Variants in ADGRL3 observed in about 807,000 individuals in gnomAD.
ADGRL3 encodes the protein adhesion G protein-coupled receptor L3, also known as calcium-independent alpha-latrotoxin receptor 3.
Under a neutral mutation model 153.5 loss-of-function variants are expected in ADGRL3, and 62 were observed. The ratio of observed to expected loss-of-function variants is 0.40; its 90% confidence interval spans 0.33 to 0.50. The LOEUF (loss-of-function observed/expected upper bound fraction) is 0.50, where lower values mean the gene tolerates loss of function less well. Among genes scored for constraint, ADGRL3 ranks in the 20% least tolerant of loss-of-function variants. ADGRL3 has a pLI of 0.47. For synonymous variants in ADGRL3, 710 were observed against 672.5 expected, an observed-to-expected ratio of 1.06 and a Z score of -0.86; for missense variants, 1,641 against 1,859.4, an observed-to-expected ratio of 0.88 and a Z score of 2.16.
intron 1 of ADGRL3, among the ~76,000 whole-genome samples, chr4:61,268,382 T>G: frequency 6.6e-6 from 1 of 151,784 alleles, no homozygotes; most frequent in African/African-American, 2.4e-5. Context: ...GCAAAATTTA[T>G]CTCAAGAGGA....
At chr4:61,362,396 A>G (rs1424806551) in intron 1 of ADGRL3, among the ~76,000 whole-genome samples, 1 of 151,684 alleles carries the variant, frequency 6.6e-6, no homozygotes, top group East Asian at 1.9e-4. Context: ...AGATGTTAGG[A>G]GCACCACCCC....
chr4:61,965,468 G>A (rs116429055), intron 17 of ADGRL3, among the ~76,000 whole-genome samples: 1,752 of 152,198 alleles, frequency 0.012, 40 homozygotes, highest in African/African-American at 0.04. Flanking sequence ...AAGCATTTGA[G>A]GCCGGGAACG....
chr4:61,846,014 CA>C (rs2098112457), intron 9 of ADGRL3, among the ~76,000 whole-genome samples: 1 of 151,980 alleles, frequency 6.6e-6, no homozygotes, highest in Non-Finnish European at 1.5e-5. Context: ...TATATTTATG[CA>C]AATTAAAGTC....
At chr4:61,952,969 T>C (rs2098953111) in intron 17 of ADGRL3, among the ~76,000 whole-genome samples, 1 of 152,214 alleles carries the variant, frequency 6.6e-6, no homozygotes, top group Non-Finnish European at 1.5e-5. Flanking sequence ...ACAAAGCATG[T>C]GTGTCCTGGA....
rs1746319471 is a variant in ADGRL3, at chr4:62,073,606, C to G, written c.*2698C>G. The G allele has an allele frequency of 6.6e-6, 1 of 152,112 alleles. No homozygotes were observed. Among genetic ancestry groups the G allele is most frequent in the Admixed American group, 6.6e-5 (1 of 15,266 alleles). 9.4% of individuals were successfully genotyped at this position (152,112 alleles called of 1,614,324 possible). ...TCACAGAAAAATGGGGAAACTACCTCAATTCAGCTTGCTGATTTTCTGACA... is the reference window on the plus strand; with the variant it reads ...TCACAGAAAAATGGGGAAACTACCTGAATTCAGCTTGCTGATTTTCTGACA... On this transcript the variant is annotated 3_prime_UTR_variant, in exon 27 of 27. Coordinates refer to ENST00000683033, the MANE Select transcript of ADGRL3 (RefSeq NM_001387552.1).
intron 21 of ADGRL3, among the ~76,000 whole-genome samples, chr4:62,002,346 T>C (rs1417351914): frequency 6.7e-6 from 1 of 150,348 alleles, no homozygotes; most frequent in Non-Finnish European, 1.5e-5. Context: ...TCAGATCTTA[T>C]CTCTGCTGTT....
At chr4:61,835,894 GA>G (rs1489830244) in intron 9 of ADGRL3, among the ~76,000 whole-genome samples, 2 of 152,158 alleles carry the variant, frequency 1.3e-5, no homozygotes, top group Non-Finnish European at 1.5e-5. Flanking sequence ...AAGGAGCCTA[GA>G]GAAGCCAATT....
At chr4:61,465,758 A>ATATATATATATATATAT (rs2097871895) in intron 2 of ADGRL3, among the ~76,000 whole-genome samples, 1 of 130,178 alleles carries the variant, frequency 7.7e-6, no homozygotes, top group Non-Finnish European at 1.6e-5. Flanking sequence ...ATTATATATA[A>ATATATATATATATATAT]ATATATATAT....
Position 61,280,978 on chromosome 4 carries a change from C to T in ADGRL3, c.-240+79213C>T, listed in dbSNP as rs548393566. On this transcript the variant is annotated intron_variant, in intron 1 of 26. Transcript: ENST00000683033. The stretch of plus-strand genomic sequence containing the variant: ...GAAGAAACATATTGATAGGTAGATA[C>T]AATAATATATAAAGCTCTGGAATAT... Among the ~76,000 whole-genome samples, 6 of 151,884 alleles carry T rather than the reference C, an allele frequency of 4.0e-5. No individual in the cohort carries two copies. The South Asian group carries it at 6.2e-4, about 16-fold the overall frequency.
At chr4:61,935,128 C>T in intron 14 of ADGRL3, 105 bp downstream of exon 14, 1 of 897,764 alleles carries the variant, frequency 1.1e-6, no homozygotes, top group South Asian at 1.7e-5. Context: ...TGCTTTATTT[C>T]AATGGAGAAA....
chr4:61,533,826 A>C (rs760121939), intron 4 of ADGRL3, among the ~76,000 whole-genome samples: 3 of 152,214 alleles, frequency 2.0e-5, no homozygotes, highest in African/African-American at 7.2e-5. Flanking sequence ...AAAATATGCA[A>C]ATTAATAACA....
chr4:61,365,782 T>C (rs2096383995), intron 1 of ADGRL3, among the ~76,000 whole-genome samples: 1 of 152,234 alleles, frequency 6.6e-6, no homozygotes, highest in East Asian at 1.9e-4. Context: ...TTTTTCTTAT[T>C]ATCTCTCTCT....
At chr4:61,205,986 A>G (rs1304534174) in intron 1 of ADGRL3, among the ~76,000 whole-genome samples, 1 of 152,216 alleles carries the variant, frequency 6.6e-6, no homozygotes, top group Admixed American at 6.5e-5. Flanking sequence ...GAATTGTGAC[A>G]TGTGCTTATG....
intron 9 of ADGRL3, among the ~76,000 whole-genome samples, chr4:61,871,065 T>C (rs948262761): frequency 2.6e-5 from 4 of 151,960 alleles, no homozygotes; most frequent in Non-Finnish European, 5.9e-5. Context: ...AATCACGAGG[T>C]CAGGAGATCG....
intron 9 of ADGRL3, among the ~76,000 whole-genome samples, chr4:61,861,180 T>C (rs2098336717): frequency 6.6e-6 from 1 of 152,166 alleles, no homozygotes; most frequent in South Asian, 2.1e-4. Flanking sequence ...GGGGTGTATA[T>C]CATGATTGTT....
chr4:61,870,800 T>C (rs2098439346), intron 9 of ADGRL3, among the ~76,000 whole-genome samples: 1 of 152,148 alleles, frequency 6.6e-6, no homozygotes, highest in Admixed American at 6.5e-5. Flanking sequence ...CTTTAAGTGC[T>C]GGCCAGAATA....
chr4:61,289,752 G>T lies in ADGRL3; in HGVS notation c.-240+87987G>T, dbSNP rs377223494. ...TAAATAAATACAAAAGCCAAAGTAG[G>T]GATTCTGGCGTAATATAAGGAGATA... On this transcript the variant is annotated intron_variant, in intron 1 of 26. Coordinates refer to ENST00000683033, the MANE Select transcript of ADGRL3 (RefSeq NM_001387552.1). Among the ~76,000 whole-genome samples the T allele has an allele frequency of 7.2e-5, 11 of 152,094 alleles. 1 individual carries two copies. The East Asian group carries it at 2.1e-3, about 29-fold the overall frequency.
chr4:62,041,990 T>G (rs2151643906), intron 24 of ADGRL3, among the ~76,000 whole-genome samples: 1 of 152,170 alleles, frequency 6.6e-6, no homozygotes, highest in East Asian at 1.9e-4. Context: ...TTTTCTAGTG[T>G]ATAGTATTAC....
chr4:61,395,339 A>C (rs1025022856), intron 2 of ADGRL3, among the ~76,000 whole-genome samples: 1 of 152,010 alleles, frequency 6.6e-6, no homozygotes, highest in Admixed American at 6.6e-5. Flanking sequence ...AATGTATTAT[A>C]AAAACCTTTG....
Sources: gnomAD v4.1 joint callset for allele counts (sites outside exome capture counted in the v4.1 genomes callset) on GRCh38, gnomAD v4.1.1 for gene constraint, MANE v1.5 for transcripts, NCBI Gene and HGNC (gene_info 2026-07-23, HGNC 2026-07-21) for gene names.